Variants in PKNOX2 observed in about 807,000 individuals in gnomAD.
The protein encoded by PKNOX2 is homeobox protein PKNOX2.
PKNOX2 carries 14 observed loss-of-function variants against 53.1 expected under a neutral mutation model. The observed-to-expected ratio is 0.26, with a 90% confidence interval of 0.17 to 0.41. The LOEUF (loss-of-function observed/expected upper bound fraction) is 0.41. PKNOX2 is among the 10% of genes least tolerant of loss of function. The pLI, the probability that PKNOX2 is intolerant of heterozygous loss-of-function variation, is 1.00. For synonymous variants in PKNOX2, 257 were observed against 242.8 expected, an observed-to-expected ratio of 1.06 and a Z score of -0.54; for missense variants, 496 against 602.8, an observed-to-expected ratio of 0.82 and a Z score of 1.85.
chr11:125,394,088 G>C (rs77236737), intron 6 of PKNOX2, among the ~76,000 whole-genome samples: 3 of 152,280 alleles, frequency 2.0e-5, no homozygotes, highest in Admixed American at 6.5e-5. Context: ...CCTGGAATGG[G>C]CTTAACACAG....
chr11:125,293,796 C>T (rs377364151), intron 2 of PKNOX2, among the ~76,000 whole-genome samples: 2 of 149,232 alleles, frequency 1.3e-5, no homozygotes, highest in African/African-American at 5.1e-5. Context: ...CGCTCACACA[C>T]ACACGCTCAC....
intron 2 of PKNOX2, among the ~76,000 whole-genome samples, chr11:125,255,217 C>A (rs956403244): frequency 2.0e-5 from 3 of 152,188 alleles, no homozygotes; most frequent in African/African-American, 7.2e-5. Context: ...CGAATGCATA[C>A]CCAGGACTCA....
At chr11:125,322,250 G>A (rs532122674) in intron 2 of PKNOX2, among the ~76,000 whole-genome samples, 2 of 152,274 alleles carry the variant, frequency 1.3e-5, no homozygotes, top group South Asian at 4.1e-4. Context: ...AGGAATGGGT[G>A]ATCTGAGGTC....
intron 6 of PKNOX2, among the ~76,000 whole-genome samples, chr11:125,391,956 A>T (rs2135420373): frequency 6.6e-6 from 1 of 152,348 alleles, no homozygotes; most frequent in South Asian, 2.1e-4. Flanking sequence ...TAGTTTAATA[A>T]ATCAGAATTT....
At chr11:125,196,239 C>T (rs1414483635) in intron 1 of PKNOX2, among the ~76,000 whole-genome samples, 1 of 152,116 alleles carries the variant, frequency 6.6e-6, no homozygotes, top group Non-Finnish European at 1.5e-5. Context: ...CCGTGGCACC[C>T]GAGAAGGGGC....
chr11:125,289,409 T>A (rs1026209911), intron 2 of PKNOX2, among the ~76,000 whole-genome samples: 1 of 152,190 alleles, frequency 6.6e-6, no homozygotes, highest in African/African-American at 2.4e-5. Context: ...TCTTCTGAGG[T>A]CACTTTGAAT....
intron 3 of PKNOX2, among the ~76,000 whole-genome samples, chr11:125,333,284 G>A (rs1313352745): frequency 6.6e-6 from 1 of 152,140 alleles, no homozygotes; most frequent in African/African-American, 2.4e-5. Context: ...GGCTCTTCCT[G>A]CTGAACTCTC....
Position 125,195,399 on chromosome 11 carries a change from A to G in PKNOX2, c.-201+30623A>G, listed in dbSNP as rs1957118037. On this transcript the variant is annotated intron_variant, in intron 1 of 12. Coordinates refer to ENST00000298282, the MANE Select transcript of PKNOX2 (RefSeq NM_001382323.2). The stretch of plus-strand genomic sequence containing the variant: ...TATTATAAAACGAAAAGTTTTTAGG[A>G]ACATGAGGATGGCTTGGAGCTGGGA... 1.3e-5 allele frequency among the ~76,000 whole-genome samples: 2 copies of G among 152,144 alleles called. 1 individual carries two copies. Among genetic ancestry groups the G allele is most frequent in the South Asian group, 4.1e-4 (2 of 4,826 alleles).
At chr11:125,223,969 G>A (rs1465871581) in intron 1 of PKNOX2, among the ~76,000 whole-genome samples, 1 of 152,268 alleles carries the variant, frequency 6.6e-6, no homozygotes, top group Non-Finnish European at 1.5e-5. Flanking sequence ...GCAATTTAGC[G>A]ACAAGAAGGG....
chr11:125,278,709 G>T (rs577628972), intron 2 of PKNOX2, among the ~76,000 whole-genome samples: 50 of 152,328 alleles, frequency 3.3e-4, no homozygotes, highest in Non-Finnish European at 3.1e-4. Flanking sequence ...GAGGTGTTTG[G>T]TTGTTGGCAT....
chr11:125,257,605 G>A (rs1464679486), intron 2 of PKNOX2, among the ~76,000 whole-genome samples: 1 of 152,212 alleles, frequency 6.6e-6, no homozygotes, highest in Admixed American at 6.5e-5. Flanking sequence ...CAGTTTCCCT[G>A]CTGTAAAAAT....
chr11:125,214,938 A>G (rs1240997250), intron 1 of PKNOX2, among the ~76,000 whole-genome samples: 1 of 152,046 alleles, frequency 6.6e-6, no homozygotes, highest in African/African-American at 2.4e-5. Context: ...AAGGCGTGAG[A>G]TCCCCCAGGG....
At chr11:125,335,562 G>A (rs545516246) in intron 3 of PKNOX2, among the ~76,000 whole-genome samples, 1 of 152,212 alleles carries the variant, frequency 6.6e-6, no homozygotes, top group East Asian at 1.9e-4. Flanking sequence ...TTTCATCCAG[G>A]CCAGTCTTTG....
chr11:125,411,604 AG>A (rs750729767), intron 9 of PKNOX2, 141 bp from the exon 10 acceptor site: 18 of 1,316,632 alleles, frequency 1.4e-5, no homozygotes, highest in Non-Finnish European at 8.6e-6. Context: ...ATGGGCTGAG[AG>A]GGAAAGGTGA....
chr11:125,195,505 G>A (rs1325267574), intron 1 of PKNOX2, among the ~76,000 whole-genome samples: 4 of 152,100 alleles, frequency 2.6e-5, no homozygotes, highest in Non-Finnish European at 4.4e-5. Context: ...GGGGACGGTC[G>A]AGGGTCCTGG....
chr11:125,311,864 T>A (rs1025994398), intron 2 of PKNOX2, among the ~76,000 whole-genome samples: 1 of 152,178 alleles, frequency 6.6e-6, no homozygotes, highest in Admixed American at 6.5e-5. Context: ...ATTTTTGACA[T>A]CACTGTCCTC....
chr11:125,352,371 G>A lies in PKNOX2; in HGVS notation c.87+979G>A, dbSNP rs1591538804. On this transcript the variant is annotated intron_variant, in intron 4 of 12. Transcript: ENST00000298282. This position sits in a 1 kb window ranked among gnomAD's most constrained non-coding sequence, Gnocchi z 4.1. Reference sequence around the variant, plus strand: ...ATTCGCCCATGTGCAGCAGGTGCCCGCTGGGTGCTGTGGGCAGGCTACCAT... The same window carrying A: ...ATTCGCCCATGTGCAGCAGGTGCCCACTGGGTGCTGTGGGCAGGCTACCAT... 1.3e-5 allele frequency among the ~76,000 whole-genome samples: 2 copies of A among 152,268 alleles called. No individual in the cohort carries two copies. The highest frequency in any genetic ancestry group is 1.9e-4 in the East Asian group (1 of 5,168).
intron 2 of PKNOX2, among the ~76,000 whole-genome samples, chr11:125,320,942 T>C (rs909437646): frequency 6.6e-6 from 1 of 152,226 alleles, no homozygotes; most frequent in Admixed American, 6.5e-5. Flanking sequence ...GTGCTCTCTT[T>C]CACTCTCAAA....
chr11:125,328,457 A>G (rs1949957892), intron 2 of PKNOX2, among the ~76,000 whole-genome samples: 1 of 152,104 alleles, frequency 6.6e-6, no homozygotes, highest in Non-Finnish European at 1.5e-5. Context: ...GCCCCAGCAC[A>G]AGGTAGATTC....
Sources: allele counts gnomAD v4.1 joint callset (sites outside exome capture counted in the v4.1 genomes callset), GRCh38; gene constraint gnomAD v4.1.1; non-coding constraint Gnocchi (gnomAD v3.1); transcripts MANE v1.5; gene names NCBI Gene and HGNC (gene_info 2026-07-23, HGNC 2026-07-21).